Variants in OCA2 observed in about 807,000 individuals in gnomAD.
The protein encoded by OCA2 is OCA2 melanosomal transmembrane protein.
OCA2 carries 77 observed loss-of-function variants against 100.2 expected under a neutral mutation model. The observed-to-expected ratio is 0.77, with a 90% CI of 0.64 to 0.93. The LOEUF is 0.93. Ranked by LOEUF, OCA2 falls within the 40% of genes least tolerant of loss-of-function variation. The pLI is 0.00. For synonymous variants in OCA2, 432 were observed against 439.2 expected, an observed-to-expected ratio of 0.98 and a Z score of 0.21; for missense variants, 1,062 against 1,089.1, an observed-to-expected ratio of 0.98 and a Z score of 0.35.
chr15:27,798,188 G>A (rs1359453427), intron 23 of OCA2, among the ~76,000 whole-genome samples: 2 of 152,210 alleles, frequency 1.3e-5, no homozygotes, highest in African/African-American at 4.8e-5. Flanking sequence ...TCAGAGGGGA[G>A]AGCTTGGAGG....
intron 2 of OCA2, among the ~76,000 whole-genome samples, chr15:28,064,828 T>C (rs1280608149): frequency 2.0e-5 from 3 of 151,190 alleles, no homozygotes; most frequent in Non-Finnish European, 4.4e-5. Context: ...AGGATTTAAA[T>C]GGATTTGTTT....
chr15:27,730,866 T>A, the OCA2 span, among the ~76,000 whole-genome samples: 1 of 150,542 alleles, frequency 6.6e-6, no homozygotes, highest in South Asian at 2.1e-4. Context: ...CGCAGCAGAA[T>A]ACTGACACAC....
At chr15:28,062,890 C>A (rs1047340624) in intron 2 of OCA2, among the ~76,000 whole-genome samples, 1 of 152,144 alleles carries the variant, frequency 6.6e-6, no homozygotes, top group Admixed American at 6.5e-5. Context: ...TTTCTGGAGT[C>A]TTGATCCTCT....
chr15:27,946,480 AAT>A (rs1194870906), intron 18 of OCA2, among the ~76,000 whole-genome samples: 10 of 152,198 alleles, frequency 6.6e-5, no homozygotes, highest in Non-Finnish European at 1.0e-4. Context: ...AGCTGTAACC[AAT>A]GTCACTGTTT....
chr15:28,020,005 C>G (rs538061270), intron 6 of OCA2, among the ~76,000 whole-genome samples: 1 of 152,302 alleles, frequency 6.6e-6, no homozygotes, highest in Admixed American at 6.5e-5. Flanking sequence ...ACCCACTGCG[C>G]TGGAGGACGC....
At chr15:27,874,342 A>T (rs1370874022) in intron 19 of OCA2, among the ~76,000 whole-genome samples, 1 of 152,140 alleles carries the variant, frequency 6.6e-6, no homozygotes, top group Non-Finnish European at 1.5e-5. Context: ...AGGTGTGAAC[A>T]CCTGTGAGGG....
intron 18 of OCA2, among the ~76,000 whole-genome samples, chr15:27,943,095 A>G (rs1000200605): frequency 6.6e-6 from 1 of 152,202 alleles, no homozygotes; most frequent in African/African-American, 2.4e-5. Flanking sequence ...GGATTTCATT[A>G]GGCCTTTCAT....
Position 27,893,617 on chromosome 15 carries a change from G to A in OCA2, c.2080-21695C>T, listed in dbSNP as rs1322011258. ...GTCTATAAACGGCCACTCTGGGAAT[G>A]TCTGTATTATGCAGTTGAGATAAGG... On this transcript the variant is annotated intron_variant, in intron 19 of 23. Transcript: ENST00000354638. 2.0e-5 allele frequency among the ~76,000 whole-genome samples: 3 copies of A among 152,142 alleles called. No individual in the cohort carries two copies. In the East Asian group the frequency reaches 5.8e-4, roughly 29 times the overall value.
At chr15:27,870,199 C>A (rs2036489828) in intron 21 of OCA2, among the ~76,000 whole-genome samples, 1 of 152,170 alleles carries the variant, frequency 6.6e-6, no homozygotes, top group Admixed American at 6.5e-5. Context: ...GGTGGGATGT[C>A]TTGGGACCCC....
chr15:27,740,991 G>C, the OCA2 span, among the ~76,000 whole-genome samples: 1 of 152,220 alleles, frequency 6.6e-6, no homozygotes, highest in Non-Finnish European at 1.5e-5. Flanking sequence ...AAGTAGAGTA[G>C]AGGAAGCTGA....
Position 27,985,051 on chromosome 15 carries a change from G to A in OCA2, c.1364+13C>T. The A allele has an allele frequency of 6.8e-6, 11 of 1,613,770 alleles. No homozygotes were observed. The highest frequency in any genetic ancestry group is 9.3e-6 in the Non-Finnish European group (11 of 1,179,838). ...CCTGGCCGCAACTCCCACGGCAGAG[G>A]TGCTTTGCGTACCTTATGGTCACAG... On this transcript the variant is annotated intron_variant, in intron 13 of 23. Transcript: ENST00000354638.
intron 19 of OCA2, among the ~76,000 whole-genome samples, chr15:27,891,837 C>T (rs750316378): frequency 2.0e-5 from 3 of 151,452 alleles, no homozygotes; most frequent in East Asian, 1.9e-4. Flanking sequence ...ACACAGAGAC[C>T]GGAAGAAAGG....
intron 19 of OCA2, among the ~76,000 whole-genome samples, chr15:27,920,501 G>C (rs1280191033): frequency 6.6e-6 from 1 of 151,992 alleles, no homozygotes; most frequent in Non-Finnish European, 1.5e-5. Context: ...AAAATTATAA[G>C]ATATGCAAAA....
At chr15:28,082,836 T>G (rs1566880609) in intron 1 of OCA2, among the ~76,000 whole-genome samples, 1 of 152,146 alleles carries the variant, frequency 6.6e-6, no homozygotes, top group African/African-American at 2.4e-5. Flanking sequence ...CTGGTGAGAA[T>G]ATAATAATAC....
intron 22 of OCA2, among the ~76,000 whole-genome samples, chr15:27,847,259 C>T (rs561194961): frequency 2.0e-5 from 3 of 152,340 alleles, no homozygotes; most frequent in Admixed American, 2.0e-4. Context: ...CACCTCCTCC[C>T]CTGTAAGGAG....
In OCA2 at chr15:27,985,178, A is replaced by G; in HGVS notation, c.1250T>C (p.Leu417Pro). Residue 417 changes from leucine (L) to proline (P), a missense_variant, in exon 13 of 24, where the codon CTC becomes CCC. Coordinates refer to ENST00000354638, the MANE Select transcript of OCA2 (RefSeq NM_000275.3). ...CATGGCCCACACCCGTCCCCGGGAG[A>G]GCCGGTATGCCTGGCCACACACACA... ...FDYCAVKAYR[L>P]SRGRVWAMII... The G allele has an allele frequency of 1.2e-6, 2 of 1,613,764 alleles. No individual in the cohort carries two copies. The highest frequency in any genetic ancestry group is 2.2e-5 in the East Asian group (1 of 44,874).
chr15:27,958,973 T>C lies in OCA2; in HGVS notation c.1637-1238A>G, dbSNP rs1315391495. ...TCAGTGGAATGGGAAAACGCCACCT[T>C]TTAAGCCCCTTCTGTTCAGTACGTG... On this transcript the variant is annotated intron_variant, in intron 15 of 23. Transcript: ENST00000354638. 4.6e-5 allele frequency among the ~76,000 whole-genome samples: 7 copies of C among 152,120 alleles called. No individual in the cohort carries two copies. The East Asian group carries it at 9.7e-4, about 21-fold the overall frequency.
the OCA2 span, among the ~76,000 whole-genome samples, chr15:27,742,720 A>G: frequency 6.6e-6 from 1 of 152,180 alleles, no homozygotes; most frequent in Non-Finnish European, 1.5e-5. Flanking sequence ...AGAATCCCTC[A>G]GGCACCTCGA....
intron 6 of OCA2, among the ~76,000 whole-genome samples, chr15:28,020,926 G>GC (rs939969843): frequency 1.3e-5 from 2 of 152,142 alleles, no homozygotes; most frequent in Non-Finnish European, 2.9e-5. Flanking sequence ...TAGGTCACTG[G>GC]CTAAGGAGAG....
Sources: gnomAD v4.1 joint callset for allele counts (sites outside exome capture counted in the v4.1 genomes callset) on GRCh38, gnomAD v4.1.1 for gene constraint, MANE v1.5 for transcripts, NCBI Gene and HGNC (gene_info 2026-07-23, HGNC 2026-07-21) for gene names.